Variants in SMARCAL1 observed in about 807,000 individuals in gnomAD.
SMARCAL1 encodes ATP-driven annealing helicase.
SMARCAL1 carries 58 observed loss-of-function variants against 94.5 expected under a neutral mutation model. That is an observed-to-expected ratio of 0.61 (90% CI 0.50 to 0.76). SMARCAL1 has a LOEUF of 0.76. SMARCAL1 is among the 30% of genes least tolerant of loss of function. The probability of loss-of-function intolerance (pLI) is 0.00; values close to 1 mark genes in which losing one functional copy is unlikely to be tolerated. For missense variants in SMARCAL1, 1,051 were observed against 1,177.9 expected, an observed-to-expected ratio of 0.89 and a Z score of 1.58; for synonymous variants, 422 against 455.1, an observed-to-expected ratio of 0.93 and a Z score of 0.93.
At chr2:216,413,318 C>T (rs1262082714) in intron 1 of SMARCAL1, among the ~76,000 whole-genome samples, 2 of 152,122 alleles carry the variant, frequency 1.3e-5, no homozygotes, top group Non-Finnish European at 2.9e-5. Flanking sequence ...TAGTCTGAAC[C>T]AAGCCAGACA....
chr2:216,473,221 G>A (rs961470701), intron 14 of SMARCAL1, among the ~76,000 whole-genome samples: 2 of 151,352 alleles, frequency 1.3e-5, no homozygotes, highest in Non-Finnish European at 2.9e-5. Context: ...ATTAGTTTGC[G>A]GATTTTTAGA....
At chr2:216,425,868 T>C (rs997788207) in intron 6 of SMARCAL1, among the ~76,000 whole-genome samples, 1 of 152,230 alleles carries the variant, frequency 6.6e-6, no homozygotes, top group Non-Finnish European at 1.5e-5. Flanking sequence ...TTCTGGGTTG[T>C]GGACTCCACC....
chr2:216,476,319 T>C (rs1377076820), intron 15 of SMARCAL1, among the ~76,000 whole-genome samples: 1 of 151,688 alleles, frequency 6.6e-6, no homozygotes, highest in Non-Finnish European at 1.5e-5. Context: ...GGTGGTTTTT[T>C]TTTTCTTTTG....
rs775747796 is a variant in SMARCAL1 at position 216,420,492 on chromosome 2, C to T, written c.1056C>T (p.Asp352=). 107 of 1,614,012 alleles carry T rather than the reference C, an allele frequency of 6.6e-5. 1 individual carries two copies. Among genetic ancestry groups the T allele is most frequent in the South Asian group, 2.1e-4 (19 of 91,088 alleles). The change falls in exon 5 of 18, where the codon GAC becomes GAT. Residue 352 remains aspartate (D), a synonymous_variant. Transcript: ENST00000357276. ...YFEADISYSQ[D]LIALFKQMDS... is the part of the protein sequence containing the mutation. The stretch of plus-strand genomic sequence containing the variant: ...AGGCAGACATCAGTTATTCACAGGA[C>T]CTTATTGCGCTTTTTAAACAGATGG...
At chr2:216,416,617 A>C (rs1376396879) in intron 4 of SMARCAL1, among the ~76,000 whole-genome samples, 1 of 152,200 alleles carries the variant, frequency 6.6e-6, no homozygotes, top group East Asian at 1.9e-4. Flanking sequence ...AGGCCCAGGG[A>C]CGATGAGTCA....
intron 3 of SMARCAL1, 98 bp from the exon 4 acceptor site, chr2:216,416,159 G>C (rs1183190208): frequency 9.9e-7 from 1 of 1,008,968 alleles, no homozygotes; most frequent in Non-Finnish European, 1.6e-6. Context: ...CAGCTGTTTT[G>C]AACTTGGCGT....
chr2:216,476,215 G>C (rs1695075064), intron 15 of SMARCAL1, among the ~76,000 whole-genome samples: 1 of 151,908 alleles, frequency 6.6e-6, no homozygotes, highest in South Asian at 2.1e-4. Flanking sequence ...ATAATATTGT[G>C]GTTTTTATTG....
intron 12 of SMARCAL1, among the ~76,000 whole-genome samples, chr2:216,454,735 C>T (rs746453935): frequency 1.3e-5 from 2 of 152,222 alleles, no homozygotes; most frequent in African/African-American, 2.4e-5. Context: ...CCAAGATGGC[C>T]GAATAGGAAC....
At chr2:216,413,752 GCCACAGGCAGA>G (rs1693519592) in intron 1 of SMARCAL1, 93 bp from the exon 2 acceptor site, 1 of 152,200 alleles carries the variant, frequency 6.6e-6, no homozygotes, top group Non-Finnish European at 1.5e-5. Flanking sequence ...CTTGCACTGA[GCCACAGGCAGA>G]CTGATTTGCC....
rs565459150 is a variant in SMARCAL1 at position 216,468,724 on chromosome 2, A to C, written c.2244+678A>C. Among the ~76,000 whole-genome samples the C allele has an allele frequency of 2.8e-4, 42 of 149,690 alleles. No homozygotes were observed. In the East Asian group the frequency reaches 8.1e-3, roughly 29 times the overall value. On this transcript the variant is annotated intron_variant, in intron 14 of 17. Coordinates refer to ENST00000357276, the MANE Select transcript of SMARCAL1 (RefSeq NM_014140.4). ...AGATTTAATAAATGAATTTATTTCAAGGTTTTTTTATTTTGAGGCAGAGTC... is the reference window on the plus strand; with the variant it reads ...AGATTTAATAAATGAATTTATTTCACGGTTTTTTTATTTTGAGGCAGAGTC...
intron 12 of SMARCAL1, among the ~76,000 whole-genome samples, chr2:216,460,310 A>G (rs1411036896): frequency 6.6e-6 from 1 of 152,212 alleles, no homozygotes; most frequent in Non-Finnish European, 1.5e-5. Flanking sequence ...TAGAAATACC[A>G]TTTGACCCAG....
chr2:216,475,324 T>G lies in SMARCAL1; in HGVS notation c.2300T>G (p.Leu767Arg). The G allele has an allele frequency of 1.2e-6, 2 of 1,614,230 alleles. No homozygotes were observed. The highest frequency in any genetic ancestry group is 8.5e-7 in the Non-Finnish European group (1 of 1,180,032). The change falls in exon 15 of 18, where the codon CTG becomes CGG. Residue 767 changes from leucine (L) to arginine (R), a missense_variant. By Grantham distance (102) the Leu-to-Arg change is moderately radical. This residue lies in a region of SMARCAL1 where 642 missense variants were observed against 754.7 expected (regional missense o/e 0.85). Transcript: ENST00000357276. The surrounding 1 kb of genome is among the most constrained non-coding windows in gnomAD (Gnocchi z 4.4). ...ACCTCATCAGCTGAGCGGGAGGACC[T>G]GTGCCAGCAGTTCCAACTGTCGGAG... ...GSTSSAERED[L>R]CQQFQLSERH...
intron 10 of SMARCAL1, among the ~76,000 whole-genome samples, chr2:216,444,309 A>G (rs1471896757): frequency 6.6e-6 from 1 of 151,920 alleles, no homozygotes; most frequent in African/African-American, 2.4e-5. Context: ...GGAGAACATG[A>G]TTTTTTTCCT....
intron 4 of SMARCAL1, among the ~76,000 whole-genome samples, chr2:216,419,200 A>G (rs1392360254): frequency 6.6e-6 from 1 of 152,204 alleles, no homozygotes; most frequent in Admixed American, 6.5e-5. Flanking sequence ...TTTATTCCCA[A>G]CTAGCAATAT....
chr2:216,442,455 G>A (rs549887000), intron 10 of SMARCAL1, among the ~76,000 whole-genome samples: 1 of 151,500 alleles, frequency 6.6e-6, no homozygotes, highest in East Asian at 1.9e-4. Context: ...AATACAAAAG[G>A]ATGGACAGTG....
chr2:216,415,072 C>G lies in SMARCAL1; in HGVS notation c.368C>G (p.Ser123Cys), dbSNP rs1195278398. 6.2e-7 allele frequency: 1 copy of G among 1,614,100 alleles called. No individual in the cohort carries two copies. The highest frequency in any genetic ancestry group is 1.7e-5 in the Admixed American group (1 of 60,008). The change falls in exon 3 of 18, where the codon TCT (serine) becomes TGT (cysteine). Residue 123 changes from serine (S) to cysteine (C), a missense_variant. By Grantham distance (112) the Ser-to-Cys change is moderately radical (BLOSUM62 -1). Around this residue, in one of 3 missense-constraint regions of SMARCAL1, gnomAD observed 398 missense variants for 395.2 expected, o/e 1.01. Coordinates refer to ENST00000357276, the MANE Select transcript of SMARCAL1 (RefSeq NM_014140.4). Reference protein sequence around the residue: ...PRSQMALTGISPPLAQSPPEV... With the variant: ...PRSQMALTGICPPLAQSPPEV... ...AGTCAAATGGCTCTCACTGGAATCT[C>G]TCCTCCCTTGGCACAAAGTCCTCCA...
At chr2:216,480,262 A>G (rs1019452644) in intron 17 of SMARCAL1, among the ~76,000 whole-genome samples, 1 of 152,222 alleles carries the variant, frequency 6.6e-6, no homozygotes, top group Non-Finnish European at 1.5e-5. Flanking sequence ...ATCAACTACT[A>G]GAAAAAGAAA....
rs770596566 is a variant in SMARCAL1 at position 216,432,781 on chromosome 2, C to T, written c.1398C>T (p.Ile466=). The change falls in exon 8 of 18, where the codon ATC becomes ATT. Residue 466 remains isoleucine (I), a synonymous_variant. Transcript: ENST00000357276. ...LADDMGLGKT[I]QAICIAAFYR... is the part of the protein sequence containing the mutation. The stretch of plus-strand genomic sequence containing the variant: ...ACGACATGGGCCTGGGGAAGACCAT[C>T]CAAGCCATCTGCATCGCAGCCTTTT... The T allele has an allele frequency of 1.9e-6, 3 of 1,614,112 alleles. No homozygotes were observed. Among genetic ancestry groups the T allele is most frequent in the African/African-American group, 2.7e-5 (2 of 74,936 alleles).
intron 14 of SMARCAL1, among the ~76,000 whole-genome samples, chr2:216,469,878 A>G (rs1379868550): frequency 1.3e-5 from 2 of 152,224 alleles, no homozygotes; most frequent in Non-Finnish European, 2.9e-5. Context: ...CTGTGTGCCC[A>G]TTAACACTGG....
Sources: allele counts gnomAD v4.1 joint callset (sites outside exome capture counted in the v4.1 genomes callset), GRCh38; gene constraint gnomAD v4.1.1; regional missense constraint gnomAD v4.1.1; non-coding constraint Gnocchi (gnomAD v3.1); transcripts MANE v1.5; gene names NCBI Gene and HGNC (gene_info 2026-07-23, HGNC 2026-07-21).